TCF12: variants seen among roughly 807,000 people sequenced by gnomAD.
The protein encoded by TCF12 is DNA-binding protein HTF4.
TCF12 carries 45 observed loss-of-function variants against 86.0 expected under a neutral mutation model. The observed-to-expected ratio is 0.52, with a 90% CI of 0.41 to 0.67. The LOEUF is 0.67. Among genes scored for constraint, TCF12 ranks in the 30% least tolerant of loss-of-function variants. TCF12 has a pLI of 0.00. For missense variants in TCF12, 881 were observed against 859.9 expected, an observed-to-expected ratio of 1.02 and a Z score of -0.31; for synonymous variants, 330 against 299.6, an observed-to-expected ratio of 1.10 and a Z score of -1.05.
At chr15:56,955,134 C>T (rs2061449913) in intron 3 of TCF12, among the ~76,000 whole-genome samples, 1 of 152,080 alleles carries the variant, frequency 6.6e-6, no homozygotes, top group Admixed American at 6.5e-5. Flanking sequence ...CACAATAGCA[C>T]ATACTTGGAA....
chr15:56,935,952 C>T (rs1051033347), intron 3 of TCF12, among the ~76,000 whole-genome samples: 2 of 152,018 alleles, frequency 1.3e-5, no homozygotes, highest in Non-Finnish European at 1.5e-5. Context: ...TTGCTATAAA[C>T]GTGTGTGCAA....
intron 8 of TCF12, among the ~76,000 whole-genome samples, chr15:57,230,100 C>G (rs1293603841): frequency 8.6e-5 from 13 of 151,770 alleles, no homozygotes; most frequent in African/African-American, 2.7e-4. Context: ...TATTGAGTTT[C>G]TTGTGTGTAA....
chr15:57,093,211 TTGGCTAGG>T (rs2049104769), intron 5 of TCF12, among the ~76,000 whole-genome samples: 4 of 152,234 alleles, frequency 2.6e-5, no homozygotes, highest in African/African-American at 9.6e-5. Flanking sequence ...AATAAATTAT[TTGGCTAGG>T]GAAAACTTTC....
chr15:57,094,281 G>A (rs2049175794), intron 5 of TCF12, among the ~76,000 whole-genome samples: 1 of 152,180 alleles, frequency 6.6e-6, no homozygotes, highest in African/African-American at 2.4e-5. Flanking sequence ...AAATGATTAA[G>A]TAGATAGGTT....
intron 6 of TCF12, among the ~76,000 whole-genome samples, chr15:57,186,654 A>G (rs1418056989): frequency 6.6e-6 from 1 of 152,240 alleles, no homozygotes; most frequent in Non-Finnish European, 1.5e-5. Flanking sequence ...ATTACAGGAT[A>G]AAGGAAATTA....
In TCF12 at chr15:57,247,842, G is replaced by A. The variant is rs879173460; in HGVS notation, c.1115-3508G>A. 51 of 750,864 alleles carry A rather than the reference G, an allele frequency of 6.8e-5. No homozygotes were observed. The Middle Eastern group carries it at 1.0e-3, about 15-fold the overall frequency. 46.5% of individuals were successfully genotyped at this position (750,864 alleles called of 1,614,324 possible). ...AAGCCCCTGGAACGTGTTTTTTGGG[G>A]TCTCATTACCACACAATCTGTGAGT... On this transcript the variant is annotated intron_variant, in intron 13 of 20. Coordinates refer to ENST00000333725, the MANE Select transcript of TCF12 (RefSeq NM_207037.2).
At chr15:57,091,706 A>G (rs1356561941) in intron 4 of TCF12, 83 bp from the exon 5 acceptor site, 11 of 923,300 alleles carry the variant, frequency 1.2e-5, no homozygotes, top group Non-Finnish European at 1.7e-5. Flanking sequence ...AAGTCTGTAT[A>G]TTAATTAGGT....
chr15:57,278,175 C>T (rs2061492676), intron 19 of TCF12, among the ~76,000 whole-genome samples: 1 of 151,912 alleles, frequency 6.6e-6, no homozygotes, highest in Admixed American at 6.6e-5. Context: ...ATGCTTTAAC[C>T]AAATAAGTGC....
At chr15:56,999,135 T>G (rs1334244499) in intron 3 of TCF12, among the ~76,000 whole-genome samples, 1 of 151,612 alleles carries the variant, frequency 6.6e-6, no homozygotes. Flanking sequence ...GAAGCGGAGC[T>G]TGCAGTGAGC....
chr15:56,940,551 C>T (rs1330642186), intron 3 of TCF12, among the ~76,000 whole-genome samples: 4 of 149,024 alleles, frequency 2.7e-5, no homozygotes, highest in African/African-American at 5.0e-5. Flanking sequence ...CCTTCTTCTT[C>T]CTTTTCCTCT....
At chr15:56,938,979 C>A (rs1472466731) in intron 3 of TCF12, among the ~76,000 whole-genome samples, 1 of 152,140 alleles carries the variant, frequency 6.6e-6, no homozygotes, top group Non-Finnish European at 1.5e-5. Flanking sequence ...TGGAGACTTA[C>A]CTTAGCCAGT....
At chr15:57,276,367 A>C (rs1441391299) in intron 19 of TCF12, among the ~76,000 whole-genome samples, 1 of 152,202 alleles carries the variant, frequency 6.6e-6, no homozygotes, top group Admixed American at 6.5e-5. Flanking sequence ...TCTTTCCTAC[A>C]TCCCCACTAA....
intron 5 of TCF12, among the ~76,000 whole-genome samples, chr15:57,156,950 G>A (rs2593253): frequency 0.011 from 1,612 of 152,282 alleles, 33 homozygotes; most frequent in African/African-American, 0.037. Context: ...TGTGTCAGAA[G>A]GAGTAAATTA....
chr15:57,165,184 GA>G (rs1207016022), intron 5 of TCF12, among the ~76,000 whole-genome samples: 1 of 150,828 alleles, frequency 6.6e-6, no homozygotes, highest in East Asian at 1.9e-4. Context: ...GATGTGCAAG[GA>G]TATTTGTTTC....
At chr15:56,970,776 G>A (rs970601095) in intron 3 of TCF12, among the ~76,000 whole-genome samples, 1 of 152,100 alleles carries the variant, frequency 6.6e-6, no homozygotes, top group African/African-American at 2.4e-5. Context: ...ACAGCTGGGC[G>A]TGGTGGCTCA....
chr15:57,233,957 G>T, intron 11 of TCF12, 86 bp from the exon 12 acceptor site: 1 of 1,051,978 alleles, frequency 9.5e-7, no homozygotes, highest in South Asian at 1.3e-5. Context: ...GATGATGATA[G>T]AGAACACCCT....
At chr15:57,033,412 C>T (rs997832291) in intron 3 of TCF12, among the ~76,000 whole-genome samples, 1 of 152,138 alleles carries the variant, frequency 6.6e-6, no homozygotes, top group African/African-American at 2.4e-5. Flanking sequence ...TTTTATTTTA[C>T]AGTAGTTAAA....
chr15:56,932,900 A>G (rs935340012), intron 3 of TCF12, among the ~76,000 whole-genome samples: 1 of 152,206 alleles, frequency 6.6e-6, no homozygotes, highest in East Asian at 1.9e-4. Flanking sequence ...TCCATAAAAT[A>G]GTTAATTAAG....
intron 5 of TCF12, among the ~76,000 whole-genome samples, chr15:57,117,626 G>T (rs1231661166): frequency 1.3e-5 from 2 of 152,030 alleles, no homozygotes; most frequent in Non-Finnish European, 2.9e-5. Flanking sequence ...TGTAATATTG[G>T]TTTGAGAATT....
Sources: gnomAD v4.1 joint callset for allele counts (sites outside exome capture counted in the v4.1 genomes callset) on GRCh38, gnomAD v4.1.1 for gene constraint, MANE v1.5 for transcripts, NCBI Gene and HGNC (gene_info 2026-07-23, HGNC 2026-07-21) for gene names.